The following PLEKHA6 variants were observed in gnomAD, a reference collection of about 807,000 sequenced individuals.
PLEKHA6 encodes the protein pleckstrin homology domain-containing family A member 6.
In PLEKHA6, 60 loss-of-function variants were observed where a neutral mutation model predicts 116.7. The observed-to-expected ratio is 0.51, with a 90% CI of 0.42 to 0.64. The LOEUF is 0.64. Ranked by LOEUF, PLEKHA6 falls within the 30% of genes least tolerant of loss-of-function variation. The pLI, the probability that PLEKHA6 is intolerant of heterozygous loss-of-function variation, is 0.00. For synonymous variants in PLEKHA6, 489 were observed against 556.1 expected, an observed-to-expected ratio of 0.88 and a Z score of 1.70; for missense variants, 1,338 against 1,422.7, an observed-to-expected ratio of 0.94 and a Z score of 0.96.
chr1:204,260,395 A>C (rs896060211), intron 7 of PLEKHA6, among the ~76,000 whole-genome samples: 1 of 152,184 alleles, frequency 6.6e-6, no homozygotes, highest in Non-Finnish European at 1.5e-5. Context: ...CTGACTTTCC[A>C]TGAGAATACA....
At chr1:204,297,827 G>T in intron 1 of PLEKHA6, 1 of 907,874 alleles carries the variant, frequency 1.1e-6, no homozygotes, top group Non-Finnish European at 1.3e-6. Context: ...AGATCCAAAA[G>T]GATTTAGGGT....
intron 21 of PLEKHA6, among the ~76,000 whole-genome samples, chr1:204,225,030 C>T (rs112374760): frequency 8.5e-5 from 13 of 152,212 alleles, no homozygotes; most frequent in Admixed American, 1.3e-4. Flanking sequence ...GGTGTTGACT[C>T]GCTGGGTTTC....
chr1:204,303,447 T>A (rs554759774), intron 1 of PLEKHA6, among the ~76,000 whole-genome samples: 221 of 152,306 alleles, frequency 1.5e-3, no homozygotes, highest in African/African-American at 4.9e-3. Flanking sequence ...AAAAGTGTCC[T>A]AGAATGAACC....
chr1:204,361,366 C>G (rs970438874), upstream of PLEKHA6, among the ~76,000 whole-genome samples: 2 of 152,172 alleles, frequency 1.3e-5, no homozygotes, highest in Admixed American at 6.5e-5. Flanking sequence ...GACTTCCCTC[C>G]CAGGGCCTGG....
At chr1:204,303,952 C>T (rs1409993356) in intron 1 of PLEKHA6, among the ~76,000 whole-genome samples, 1 of 152,228 alleles carries the variant, frequency 6.6e-6, no homozygotes, top group East Asian at 1.9e-4. Flanking sequence ...TGAGCTCAAG[C>T]GATCTGCCCG....
intron 9 of PLEKHA6, 121 bp from the exon 10 acceptor site, chr1:204,250,735 G>A (rs944351764): frequency 2.0e-5 from 15 of 754,692 alleles, no homozygotes; most frequent in Non-Finnish European, 3.3e-5. Flanking sequence ...ACCTCTGGTA[G>A]CTTCTGTTCC....
chr1:204,323,305 TG>T (rs1328279409), intron 1 of PLEKHA6, among the ~76,000 whole-genome samples: 4 of 152,264 alleles, frequency 2.6e-5, no homozygotes, highest in African/African-American at 9.6e-5. Context: ...ATAGGTCTTT[TG>T]CATCGTTATC....
intron 1 of PLEKHA6, chr1:204,297,245 AATACATGG>A: frequency 1.0e-6 from 1 of 965,228 alleles, no homozygotes; most frequent in Non-Finnish European, 1.2e-6. Flanking sequence ...CTGGTAGGAA[AATACATGG>A]ATACATGGAG....
intron 2 of PLEKHA6, among the ~76,000 whole-genome samples, chr1:204,370,212 G>T (rs1199025517): frequency 6.6e-6 from 1 of 152,208 alleles, no homozygotes; most frequent in Non-Finnish European, 1.5e-5. Flanking sequence ...ATGAAGAGTC[G>T]AACTCCATGA....
intron 1 of PLEKHA6, among the ~76,000 whole-genome samples, chr1:204,318,588 T>C (rs2103211775): frequency 6.6e-6 from 1 of 152,238 alleles, no homozygotes; most frequent in South Asian, 2.1e-4. Flanking sequence ...TGTGGCCTCA[T>C]AGGCACTCGC....
At chr1:204,240,998 G>A (rs111995729) in intron 17 of PLEKHA6, among the ~76,000 whole-genome samples, 2,378 of 152,142 alleles carry the variant, frequency 0.016, 58 homozygotes, top group African/African-American at 0.055. Flanking sequence ...CTCAAACATC[G>A]GACTCCAAGT....
rs567072289 is a variant in PLEKHA6, at chr1:204,367,445, G to A, written c.218+354C>T. 1.7e-4 allele frequency among the ~76,000 whole-genome samples: 26 copies of A among 152,182 alleles called. No individual in the cohort carries two copies. The Middle Eastern group carries it at 0.01, about 60-fold the overall frequency. On this transcript the variant is annotated intron_variant, in intron 3 of 4. Transcript: ENST00000564627. ...CCACTGCCTCCACATCCTGCCCCGC[G>A]GCTGCGTCTCCTGCCTCTGAACCTC... is the stretch of plus-strand genomic sequence containing the variant.
intron 1 of PLEKHA6, among the ~76,000 whole-genome samples, chr1:204,355,870 TAA>T (rs1013390218): frequency 2.0e-5 from 3 of 152,194 alleles, no homozygotes; most frequent in African/African-American, 4.8e-5. Flanking sequence ...TCACATTTGA[TAA>T]GTCTCTTTTT....
At chr1:204,289,165 A>G (rs574452145) in intron 1 of PLEKHA6, among the ~76,000 whole-genome samples, 73 of 152,350 alleles carry the variant, frequency 4.8e-4, no homozygotes, top group African/African-American at 1.6e-3. Context: ...ATATCAGAGC[A>G]TCTCACTAGA....
At chr1:204,345,768 T>TC (rs1351226592) in intron 1 of PLEKHA6, among the ~76,000 whole-genome samples, 1 of 152,044 alleles carries the variant, frequency 6.6e-6, no homozygotes, top group African/African-American at 2.4e-5. Flanking sequence ...CAGAGCAGGT[T>TC]CCCCCCAGCA....
At chr1:204,295,358 C>T (rs1314572069) in intron 1 of PLEKHA6, among the ~76,000 whole-genome samples, 1 of 151,966 alleles carries the variant, frequency 6.6e-6, no homozygotes, top group Non-Finnish European at 1.5e-5. Context: ...GGTGTGGTGG[C>T]ACACGCCTGT....
chr1:204,345,783 C>T (rs1673020250), intron 1 of PLEKHA6, among the ~76,000 whole-genome samples: 1 of 152,184 alleles, frequency 6.6e-6, no homozygotes, highest in African/African-American at 2.4e-5. Flanking sequence ...CCAGCAAAGC[C>T]ACTGGAGCAA....
At chr1:204,283,011 C>A (rs1375658332) in intron 1 of PLEKHA6, among the ~76,000 whole-genome samples, 1 of 152,150 alleles carries the variant, frequency 6.6e-6, no homozygotes, top group African/African-American at 2.4e-5. Context: ...AATTATGCCC[C>A]CCCACCGCCC....
chr1:204,249,333 C>T (rs1664227354), intron 10 of PLEKHA6, 69 bp from the exon 11 acceptor site: 1 of 1,166,356 alleles, frequency 8.6e-7, no homozygotes, highest in Admixed American at 1.7e-5. Flanking sequence ...TGATGGGGAC[C>T]TGGGAGTTAT....
Sources: allele counts gnomAD v4.1 joint callset (sites outside exome capture counted in the v4.1 genomes callset), GRCh38; gene constraint gnomAD v4.1.1; transcripts MANE v1.5; gene names NCBI Gene and HGNC (gene_info 2026-07-23, HGNC 2026-07-21).